Variants in SMYD3 observed in about 807,000 individuals in gnomAD.
SMYD3 encodes the protein SET and MYND domain containing 3, also known as histone-lysine N-methyltransferase SMYD3.
In SMYD3, 36 loss-of-function variants were observed where a neutral mutation model predicts 57.7. The ratio of observed to expected loss-of-function variants is 0.62; its 90% confidence interval spans 0.48 to 0.82. The LOEUF is 0.82. Among genes scored for constraint, SMYD3 ranks in the 40% least tolerant of loss-of-function variants. The pLI is 0.00. For synonymous variants in SMYD3, 211 were observed against 195.0 expected, an observed-to-expected ratio of 1.08 and a Z score of -0.68; for missense variants, 515 against 538.8, an observed-to-expected ratio of 0.96 and a Z score of 0.44.
At chr1:246,228,409 T>G (rs4654097) in intron 5 of SMYD3, among the ~76,000 whole-genome samples, 31,576 of 152,164 alleles carry the variant, frequency 0.21, 3,997 homozygotes, top group East Asian at 0.58. Flanking sequence ...ACAAAGTTCA[T>G]AGAGTAATGG....
intron 5 of SMYD3, among the ~76,000 whole-genome samples, chr1:246,118,053 G>A (rs188079083): frequency 3.5e-4 from 54 of 152,180 alleles, no homozygotes; most frequent in African/African-American, 1.3e-3. Context: ...ACAAACAATA[G>A]TGATTCCGAA....
At chr1:245,768,567 T>A (rs1358658972) in intron 10 of SMYD3, among the ~76,000 whole-genome samples, 2 of 152,206 alleles carry the variant, frequency 1.3e-5, no homozygotes, top group Non-Finnish European at 2.9e-5. Flanking sequence ...GGGCTACTGC[T>A]TTGGTTTGAA....
chr1:246,019,239 G>A (rs887800013), intron 5 of SMYD3, among the ~76,000 whole-genome samples: 1 of 152,136 alleles, frequency 6.6e-6, no homozygotes, highest in East Asian at 1.9e-4. Context: ...AGTATGATTA[G>A]CATCTAGTGG....
chr1:246,318,625 A>G (rs1017393560), intron 5 of SMYD3, among the ~76,000 whole-genome samples: 4 of 152,220 alleles, frequency 2.6e-5, no homozygotes, highest in African/African-American at 7.2e-5. Context: ...AGCCAAAGCA[A>G]TGACAGTAAC....
At chr1:245,944,401 A>T (rs1309634893) in intron 5 of SMYD3, among the ~76,000 whole-genome samples, 1 of 152,218 alleles carries the variant, frequency 6.6e-6, no homozygotes, top group African/African-American at 2.4e-5. Context: ...AATTGCTACA[A>T]AGAGAATAAA....
Position 246,229,855 on chromosome 1 carries a change from G to A in SMYD3, c.531+97346C>T, listed in dbSNP as rs560158692. 9.9e-5 allele frequency among the ~76,000 whole-genome samples: 15 copies of A among 151,194 alleles called. No homozygotes were observed. In the South Asian group the frequency reaches 2.3e-3, roughly 23 times the overall value. On this transcript the variant is annotated intron_variant, in intron 5 of 11. Coordinates refer to ENST00000490107, the MANE Select transcript of SMYD3 (RefSeq NM_001167740.2). Reference sequence around the variant, plus strand: ...GGGACAAACATTCAAATCATAGCACGTGCCTTTCAAGCGTTTTGAGGTATT... The same window carrying A: ...GGGACAAACATTCAAATCATAGCACATGCCTTTCAAGCGTTTTGAGGTATT...
chr1:245,935,574 G>A (rs1238498874), intron 5 of SMYD3, among the ~76,000 whole-genome samples: 1 of 152,056 alleles, frequency 6.6e-6, no homozygotes, highest in East Asian at 1.9e-4. Context: ...AGAGATATCC[G>A]TGCTCCCACT....
At chr1:246,503,043 C>G (rs2068481256) in intron 1 of SMYD3, among the ~76,000 whole-genome samples, 1 of 152,202 alleles carries the variant, frequency 6.6e-6, no homozygotes, top group Non-Finnish European at 1.5e-5. Flanking sequence ...CAAGATTCCA[C>G]ATAAGGAGCA....
chr1:246,384,812 G>A (rs904018909), intron 1 of SMYD3, among the ~76,000 whole-genome samples: 3 of 152,162 alleles, frequency 2.0e-5, no homozygotes, highest in African/African-American at 4.8e-5. Context: ...TGACAGCTCA[G>A]TAAAAGACAA....
At chr1:245,977,336 G>A (rs2058471407) in intron 5 of SMYD3, among the ~76,000 whole-genome samples, 1 of 152,164 alleles carries the variant, frequency 6.6e-6, no homozygotes, top group Non-Finnish European at 1.5e-5. Flanking sequence ...CTCCCTCATG[G>A]CATGGCTTTA....
At position 245,821,276 on chromosome 1, in the gene SMYD3, G is replaced by C. The variant is rs1046206358; in HGVS notation, c.1076+37220C>G. Among the ~76,000 whole-genome samples, 37 of 5,288 alleles carry C rather than the reference G, an allele frequency of 7.0e-3. 1 individual carries two copies. Among genetic ancestry groups the C allele is most frequent in the African/African-American group, 7.6e-3 (36 of 4,742 alleles). The allele number at this position is 5,288 out of a possible 152,430, so 3.5% of individuals were successfully genotyped here. On this transcript the variant is annotated intron_variant, in intron 10 of 11. Transcript: ENST00000490107. The stretch of plus-strand genomic sequence containing the variant: ...CAACTATCTGATCTTTGACAAACCT[G>C]ACAAAAGAAGCAATGGGGAAAGGAT...
At chr1:246,356,452 G>T (rs773485492) in intron 1 of SMYD3, among the ~76,000 whole-genome samples, 2 of 152,150 alleles carry the variant, frequency 1.3e-5, no homozygotes, top group Non-Finnish European at 2.9e-5. Context: ...TAAAATATCC[G>T]GATTGCAAGA....
At chr1:245,765,381 C>A (rs377482018) in intron 10 of SMYD3, among the ~76,000 whole-genome samples, 2 of 150,594 alleles carry the variant, frequency 1.3e-5, no homozygotes, top group Admixed American at 1.3e-4. Context: ...AGAGTGAGAC[C>A]CTGTTTCAAA....
chr1:245,912,556 C>T (rs74510707), intron 8 of SMYD3, among the ~76,000 whole-genome samples: 11,654 of 151,812 alleles, frequency 0.077, 968 homozygotes, highest in African/African-American at 0.19. Flanking sequence ...AAGGCAATAC[C>T]GAGCAAAAAG....
At chr1:245,929,537 G>A (rs1032963649) in intron 6 of SMYD3, among the ~76,000 whole-genome samples, 9 of 152,164 alleles carry the variant, frequency 5.9e-5, no homozygotes, top group African/African-American at 2.2e-4. Flanking sequence ...ATCAGCATGT[G>A]CTGCAGCTCA....
chr1:246,348,393 G>A (rs955265083), intron 2 of SMYD3, among the ~76,000 whole-genome samples: 6 of 151,922 alleles, frequency 3.9e-5, no homozygotes, highest in Non-Finnish European at 5.9e-5. Flanking sequence ...TCCAGCCTGG[G>A]TGCCAGAGCA....
intron 10 of SMYD3, among the ~76,000 whole-genome samples, chr1:245,813,064 G>T (rs1162695787): frequency 6.9e-6 from 1 of 144,488 alleles, no homozygotes; most frequent in Non-Finnish European, 1.5e-5. Context: ...GCCCAGGCTG[G>T]AGTGCAGTGG....
intron 5 of SMYD3, among the ~76,000 whole-genome samples, chr1:246,194,053 A>G (rs1309036585): frequency 6.6e-6 from 1 of 152,120 alleles, no homozygotes; most frequent in Non-Finnish European, 1.5e-5. Flanking sequence ...GTTTTTATGT[A>G]CTTCTCTATA....
At chr1:246,002,219 C>T (rs1008812089) in intron 5 of SMYD3, among the ~76,000 whole-genome samples, 7 of 150,964 alleles carry the variant, frequency 4.6e-5, no homozygotes, top group African/African-American at 1.2e-4. Context: ...GAGTCTCGCT[C>T]CGTCACCCAG....
Sources: allele counts gnomAD v4.1 joint callset (sites outside exome capture counted in the v4.1 genomes callset), GRCh38; gene constraint gnomAD v4.1.1; transcripts MANE v1.5; gene names NCBI Gene and HGNC (gene_info 2026-07-23, HGNC 2026-07-21).